Variants in TMEM132D observed in about 807,000 individuals in gnomAD.
TMEM132D encodes the protein transmembrane protein 132D, also known as mature OL transmembrane protein.
A neutral mutation model predicts 62.3 loss-of-function variants in TMEM132D; 21 were observed. The observed-to-expected ratio is 0.34, with a 90% CI of 0.24 to 0.49. TMEM132D has a LOEUF of 0.49. Ranked by LOEUF, TMEM132D falls within the 20% of genes least tolerant of loss-of-function variation. TMEM132D has a pLI of 0.99. For missense variants in TMEM132D, 1,346 were observed against 1,402.8 expected (o/e 0.96, Z 0.65); for synonymous variants, 621 against 575.6 (o/e 1.08, Z -1.13).
chr12:129,334,330 T>C (rs1472500515), intron 4 of TMEM132D, among the ~76,000 whole-genome samples: 1 of 147,388 alleles, frequency 6.8e-6, no homozygotes, highest in Non-Finnish European at 1.5e-5. Flanking sequence ...TGGTTGTCAT[T>C]AATTTGGAGG....
intron 1 of TMEM132D, among the ~76,000 whole-genome samples, chr12:129,844,019 T>G (rs1873282335): frequency 6.6e-6 from 1 of 152,142 alleles, no homozygotes; most frequent in Non-Finnish European, 1.5e-5. Flanking sequence ...GAAGATCACT[T>G]GAGCCCAGGA....
chr12:129,130,201 C>T (rs1196415776), intron 5 of TMEM132D, among the ~76,000 whole-genome samples: 1 of 151,976 alleles, frequency 6.6e-6, no homozygotes, highest in African/African-American at 2.4e-5. Flanking sequence ...AGGGTGACAC[C>T]CTGCAGGCAG....
intron 4 of TMEM132D, among the ~76,000 whole-genome samples, chr12:129,291,712 C>G (rs12313148): frequency 0.049 from 7,419 of 152,154 alleles, 215 homozygotes; most frequent in South Asian, 0.069. Context: ...CTGCTTCCCT[C>G]TAGAATTGTG....
intron 1 of TMEM132D, among the ~76,000 whole-genome samples, chr12:129,707,763 A>G (rs1450197663): frequency 6.6e-6 from 1 of 152,160 alleles, no homozygotes; most frequent in East Asian, 1.9e-4. Flanking sequence ...CCCAACACAG[A>G]TATTTGCGCT....
chr12:129,843,817 G>A (rs957354015), intron 1 of TMEM132D, among the ~76,000 whole-genome samples: 1 of 152,152 alleles, frequency 6.6e-6, no homozygotes, highest in Admixed American at 6.5e-5. Context: ...GGCCAGGCAT[G>A]ATGGCTCATG....
Position 129,456,190 on chromosome 12 carries a change from C to T in TMEM132D, c.1115+74869G>A, listed in dbSNP as rs983047702. ...GTATATATTACTCTCCCCACTAATG[C>T]CATTTCTGAATGTCTAAACTAGAGA... On this transcript the variant is annotated intron_variant, in intron 3 of 8. Coordinates refer to ENST00000422113, the MANE Select transcript of TMEM132D (RefSeq NM_133448.3). Among the ~76,000 whole-genome samples the T allele has an allele frequency of 3.2e-4, 48 of 152,088 alleles. 1 individual carries two copies. Among genetic ancestry groups the T allele is most frequent in the African/African-American group, 1.1e-3 (47 of 41,396 alleles).
chr12:129,198,669 G>A (rs1178845650), intron 5 of TMEM132D, among the ~76,000 whole-genome samples: 1 of 152,172 alleles, frequency 6.6e-6, no homozygotes, highest in East Asian at 1.9e-4. Flanking sequence ...TTTGGTACAA[G>A]GCTTCAGTTA....
Position 129,699,948 on chromosome 12 carries a change from C to A in TMEM132D, c.830G>T (p.Arg277Met). The change falls in exon 2 of 9, where the codon AGG becomes ATG. Residue 277 changes from arginine to methionine, a missense_variant. Transcript: ENST00000422113. ...ACGCAGTTCTCTCAGGGAGGGTTTC[C>A]TGTGTGTCTGATAAAGGAAGATGCT... ...IGSIFLYQTH[R>M]KPSLRELRLD... 1.9e-6 allele frequency: 3 copies of A among 1,614,094 alleles called. No homozygotes were observed. Among genetic ancestry groups the A allele is most frequent in the Non-Finnish European group, 2.5e-6 (3 of 1,180,016 alleles).
chr12:129,681,165 C>T (rs773337010), intron 2 of TMEM132D, among the ~76,000 whole-genome samples: 1 of 152,182 alleles, frequency 6.6e-6, no homozygotes, highest in South Asian at 2.1e-4. Flanking sequence ...TGTATCTACT[C>T]TCATCTGTCT....
chr12:129,266,666 A>C (rs753299629), intron 4 of TMEM132D, among the ~76,000 whole-genome samples: 1 of 147,726 alleles, frequency 6.8e-6, no homozygotes, highest in Non-Finnish European at 1.5e-5. Context: ...CCAGTTTACC[A>C]GCATTAAACA....
chr12:129,086,748 A>G (rs1276063146), intron 5 of TMEM132D, among the ~76,000 whole-genome samples: 1 of 149,510 alleles, frequency 6.7e-6, no homozygotes, highest in Non-Finnish European at 1.5e-5. Flanking sequence ...AGCATTATAT[A>G]CATTGTATAT....
intron 3 of TMEM132D, among the ~76,000 whole-genome samples, chr12:129,513,086 T>C (rs146577298): frequency 5.9e-5 from 9 of 152,306 alleles, no homozygotes; most frequent in Admixed American, 1.3e-4. Context: ...GGGTAACTTA[T>C]AGAGAAAAGA....
At chr12:129,309,042 A>G (rs1951332189) in intron 4 of TMEM132D, among the ~76,000 whole-genome samples, 1 of 152,232 alleles carries the variant, frequency 6.6e-6, no homozygotes, top group South Asian at 2.1e-4. Flanking sequence ...TACTCTTCAC[A>G]GCCTCAGTTT....
intron 4 of TMEM132D, among the ~76,000 whole-genome samples, chr12:129,261,942 C>T (rs1420369531): frequency 6.6e-6 from 1 of 152,118 alleles, no homozygotes; most frequent in African/African-American, 2.4e-5. Flanking sequence ...GATACTAAAA[C>T]ATATTTTCTT....
At position 129,356,147 on chromosome 12, in the gene TMEM132D, ATTTTTTTTT is replaced by A. The variant is rs35842499; in HGVS notation, c.1116-18339_1116-18331del. Among the ~76,000 whole-genome samples the A allele has an allele frequency of 3.0e-4, 11 of 36,546 alleles. 2 individuals are homozygous for A. Among genetic ancestry groups the A allele is most frequent in the African/African-American group, 2.5e-4 (2 of 8,072 alleles). The allele number at this position is 36,546 out of a possible 152,430, so 24.0% of individuals were successfully genotyped here. The stretch of plus-strand genomic sequence containing the variant: ...GTCTGCTTCTAGAGAAACTGAAGGG[ATTTTTTTTT>A]TTTTTTTTTTTTTTTTTTGAGACGG... On this transcript the variant is annotated intron_variant, in intron 3 of 8. Transcript: ENST00000422113.
chr12:129,731,970 T>C (rs1869262865), intron 1 of TMEM132D, among the ~76,000 whole-genome samples: 1 of 152,140 alleles, frequency 6.6e-6, no homozygotes, highest in African/African-American at 2.4e-5. Flanking sequence ...CCAGAAATTT[T>C]TTTTAGTATA....
At chr12:129,819,794 A>G (rs1872493979) in intron 1 of TMEM132D, among the ~76,000 whole-genome samples, 1 of 152,042 alleles carries the variant, frequency 6.6e-6, no homozygotes, top group Non-Finnish European at 1.5e-5. Context: ...ATAATCATCA[A>G]TATTATTTAA....
chr12:129,327,336 G>C (rs1868948270), intron 4 of TMEM132D, among the ~76,000 whole-genome samples: 1 of 152,144 alleles, frequency 6.6e-6, no homozygotes, highest in Non-Finnish European at 1.5e-5. Flanking sequence ...CATCATCTCA[G>C]TAAACGATGT....
intron 3 of TMEM132D, among the ~76,000 whole-genome samples, chr12:129,377,029 A>C (rs1870800679): frequency 6.6e-6 from 1 of 152,222 alleles, no homozygotes; most frequent in Non-Finnish European, 1.5e-5. Flanking sequence ...TCTGGTTTGA[A>C]GCTGCCCAAT....
Sources: allele counts gnomAD v4.1 joint callset (sites outside exome capture counted in the v4.1 genomes callset), GRCh38; gene constraint gnomAD v4.1.1; transcripts MANE v1.5; gene names NCBI Gene and HGNC (gene_info 2026-07-23, HGNC 2026-07-21).